The following GATA5 variants were observed in gnomAD, a reference collection of about 807,000 sequenced individuals.
GATA5 encodes GATA binding protein 5.
GATA5 carries 27 observed loss-of-function variants against 35.0 expected under a neutral mutation model. The observed-to-expected ratio is 0.77, with a 90% CI of 0.57 to 1.06. GATA5 has a LOEUF of 1.06. Among genes scored for constraint, GATA5 ranks in the 50% least tolerant of loss-of-function variants. The probability of loss-of-function intolerance (pLI) is 0.00; values close to 1 mark genes in which losing one functional copy is unlikely to be tolerated. For synonymous variants in GATA5, 306 were observed against 267.8 expected, an observed-to-expected ratio of 1.14 and a Z score of -1.39; for missense variants, 612 against 580.0, an observed-to-expected ratio of 1.06 and a Z score of -0.57.
At position 62,475,337 on chromosome 20, in the gene GATA5, G is replaced by C. The variant is rs1332879789; in HGVS notation, c.185C>G (p.Pro62Arg). 8.0e-7 allele frequency: 1 copy of C among 1,254,526 alleles called. No individual in the cohort carries two copies. Among genetic ancestry groups the C allele is most frequent in the Non-Finnish European group, 1.0e-6 (1 of 999,010 alleles). The allele number at this position is 1,254,526 out of a possible 1,614,324, so 77.7% of individuals were successfully genotyped here. A position where few individuals can be genotyped will look rare whatever the true frequency, so the allele number is the denominator to read the frequency against. ...CGCGGTGGCTGTCTGCGCCCAGCCGGGGCGCGCAGCGAGCTCGGGGGGCTG... is the reference window on the plus strand; with the variant it reads ...CGCGGTGGCTGTCTGCGCCCAGCCGCGGCGCGCAGCGAGCTCGGGGGGCTG... ...SPQPPELAAR[P>R]GWAQTATADS... Residue 62 changes from proline (P) to arginine (R), a missense_variant, in exon 2 of 7, where the codon CCC (proline) becomes CGC (arginine). By Grantham distance (103) the Pro-to-Arg change is moderately radical. Transcript: ENST00000252997.
rs782759156 is a variant in GATA5, at chr20:62,464,857, C to G, written c.1173G>C (p.Trp391Cys). The G allele has an allele frequency of 1.8e-5, 29 of 1,607,846 alleles. No individual in the cohort carries two copies. The highest frequency in any genetic ancestry group is 2.4e-5 in the Non-Finnish European group (28 of 1,177,216). The change falls in exon 7 of 7, where the codon TGG becomes TGC. Residue 391 changes from tryptophan to cysteine, a missense_variant. Transcript: ENST00000252997. ...GGACCTAGGCCAAGGCCAGCGCACA[C>G]CAGGCCTCTTGGCGCAGAGCCCCCC... ...GLRGALRQEA[W>C]CALALA
At chr20:62,465,991 C>G (rs1457156432) in intron 4 of GATA5, 70 bp from the exon 5 acceptor site, 71 of 1,082,170 alleles carry the variant, frequency 6.6e-5, no homozygotes, top group Non-Finnish European at 9.2e-5. Context: ...ACAGCACCCC[C>G]TCATTCCAGC....
intron 2 of GATA5, among the ~76,000 whole-genome samples, chr20:62,473,939 G>T (rs923349837): frequency 6.6e-6 from 1 of 152,104 alleles, no homozygotes; most frequent in Non-Finnish European, 1.5e-5. Context: ...CACTGGCGGG[G>T]GAGGTGGATG....
intron 1 of GATA5, 104 bp downstream of exon 1, chr20:62,475,826 T>G: frequency 4.5e-5 from 10 of 223,082 alleles, no homozygotes; most frequent in East Asian, 8.3e-5. Context: ...AGGACGGGCC[T>G]GGCGCGGCCG....
At chr20:62,472,084 G>A (rs1989736515) in intron 3 of GATA5, among the ~76,000 whole-genome samples, 1 of 152,010 alleles carries the variant, frequency 6.6e-6, no homozygotes. Context: ...ACCCCTCAGT[G>A]AGGGCCACGT....
At chr20:62,469,081 G>A (rs1312724206) in intron 3 of GATA5, among the ~76,000 whole-genome samples, 2 of 152,228 alleles carry the variant, frequency 1.3e-5, no homozygotes, top group African/African-American at 2.4e-5. Context: ...TCCAGCATGA[G>A]GCATGGTCTC....
intron 3 of GATA5, among the ~76,000 whole-genome samples, chr20:62,471,972 C>A (rs1333977476): frequency 1.3e-5 from 2 of 151,150 alleles, no homozygotes; most frequent in Admixed American, 6.6e-5. Flanking sequence ...TCTCGAACTC[C>A]TGAGCTTAAG....
chr20:62,466,486 C>T lies in GATA5; in HGVS notation c.765G>A (p.Arg255=), dbSNP rs1555896105. Reference sequence around the variant, plus strand: ...ACACGGGCTCCCCCTCCGAGTTCCGCCGCCACAGCGTGGTGTTGGTCGTGT... The same window carrying T: ...ACACGGGCTCCCCCTCCGAGTTCCGTCGCCACAGCGTGGTGTTGGTCGTGT... ...NCHTTNTTLW[R]RNSEGEPVCN... The change falls in exon 4 of 7, where the codon CGG becomes CGA. Residue 255 remains arginine, a synonymous_variant. Transcript: ENST00000252997. 6.3e-7 allele frequency: 1 copy of T among 1,575,622 alleles called. No individual in the cohort carries two copies. The highest frequency in any genetic ancestry group is 8.6e-7 in the Non-Finnish European group (1 of 1,160,926).
At chr20:62,465,628 C>T (rs1989565389) in intron 5 of GATA5, among the ~76,000 whole-genome samples, 164 bp from the exon 6 acceptor site, 1 of 152,026 alleles carries the variant, frequency 6.6e-6, no homozygotes, top group African/African-American at 2.4e-5. Context: ...TTCTTTGGCC[C>T]CACCTCTGCC....
chr20:62,469,112 C>T (rs912969858), intron 3 of GATA5, among the ~76,000 whole-genome samples: 4 of 152,242 alleles, frequency 2.6e-5, no homozygotes, highest in African/African-American at 7.2e-5. Context: ...CTCGGACACC[C>T]ACCCATCCGT....
In GATA5 at chr20:62,475,430, G is replaced by T; in HGVS notation, c.92C>A (p.Pro31Gln). 1 of 1,361,162 alleles carries T rather than the reference G, an allele frequency of 7.3e-7. No homozygotes were observed. 84.3% of individuals were successfully genotyped at this position (1,361,162 alleles called of 1,614,324 possible). ...GACGCGCGCCGGCGGCACAAACATC[G>T]GAGAGCCGGCGCCCGGAGCGTGCAG... is the stretch of plus-strand genomic sequence containing the variant. ...SFLHAPGAGS[P>Q]MFVPPARVPS... The change falls in exon 2 of 7, where the codon CCG (proline) becomes CAG (glutamine). Residue 31 changes from proline to glutamine, a missense_variant. Coordinates refer to ENST00000252997, the MANE Select transcript of GATA5 (RefSeq NM_080473.5).
intron 3 of GATA5, among the ~76,000 whole-genome samples, chr20:62,471,934 T>TG (rs1457752853): frequency 6.8e-6 from 1 of 147,934 alleles, no homozygotes; most frequent in East Asian, 2.0e-4. Context: ...TTAGTGGAGA[T>TG]GGGTTCTTGC....
rs1369131574 is a variant in GATA5, at chr20:62,474,989, C to T, written c.523+10G>A. ...CCTGGGCCCCGAGACTGTGGAGCCC[C>T]CGCACTCACCGAAGGTGGGCCTGCG... On this transcript the variant is annotated intron_variant, in intron 2 of 6. Transcript: ENST00000252997. The T allele has an allele frequency of 1.5e-6, 2 of 1,316,946 alleles. No homozygotes were observed. Among genetic ancestry groups the T allele is most frequent in the Non-Finnish European group, 1.9e-6 (2 of 1,030,010 alleles). The allele number at this position is 1,316,946 out of a possible 1,614,324, so 81.6% of individuals were successfully genotyped here. A position where few individuals can be genotyped will look rare whatever the true frequency, so the allele number is the denominator to read the frequency against.
At position 62,465,134 on chromosome 20, in the gene GATA5, G is replaced by T. The variant is rs6061551; in HGVS notation, c.1039-143C>A. The T allele has an allele frequency of 2.4e-3, 2,130 of 888,526 alleles. 41 individuals carry two copies. In the African/African-American group the frequency reaches 0.031, roughly 13 times the overall value. 55.0% of individuals were successfully genotyped at this position (888,526 alleles called of 1,614,324 possible). ...CCTGATGCCCTGGAATGGCATGGGG[G>T]ACCCCACGTGAGGCACTGGGGTTTC... On this transcript the variant is annotated intron_variant, in intron 6 of 6. Transcript: ENST00000252997.
rs757063452 is a variant in GATA5, at chr20:62,473,494, T to C, written c.608A>G (p.Asp203Gly). The C allele has an allele frequency of 4.3e-6, 7 of 1,610,252 alleles. No homozygotes were observed. The highest frequency in any genetic ancestry group is 5.9e-6 in the Non-Finnish European group (7 of 1,178,804). ...ATTGCACAGGTAGTGGCCGGTGCCG[T>C]CTCGGCGCCACAGCGGTGTGGACAG... Reference protein sequence around the residue: ...GALSTPLWRRDGTGHYLCNAC... With the variant: ...GALSTPLWRRGGTGHYLCNAC... The change falls in exon 3 of 7, where the codon GAC (aspartate) becomes GGC (glycine). Residue 203 changes from aspartate (D) to glycine (G), a missense_variant. Transcript: ENST00000252997.
Position 62,465,895 on chromosome 20 carries a change from C to A in GATA5, c.852G>T (p.Lys284Asn). Residue 284 changes from lysine (K) to asparagine (N), a missense_variant, in exon 5 of 7, where the codon AAG becomes AAT. Coordinates refer to ENST00000252997, the MANE Select transcript of GATA5 (RefSeq NM_080473.5). ...HGVPRPLAMK[K>N]ESIQTRKRKP... ...TCCGCTTCCGTGTCTGGATGCTTTCCTTCTTCATAGCCAGAGGCCGCGGCA... is the reference window on the plus strand; with the variant it reads ...TCCGCTTCCGTGTCTGGATGCTTTCATTCTTCATAGCCAGAGGCCGCGGCA... 6.3e-7 allele frequency: 1 copy of A among 1,595,698 alleles called. No homozygotes were observed. Among genetic ancestry groups the A allele is most frequent in the South Asian group, 1.1e-5 (1 of 88,062 alleles).
intron 3 of GATA5, among the ~76,000 whole-genome samples, chr20:62,469,974 C>T (rs1165749510): frequency 2.0e-5 from 3 of 152,248 alleles, no homozygotes; most frequent in Middle Eastern, 3.2e-3. Flanking sequence ...CATTTGTCCC[C>T]TCCTCACTGC....
chr20:62,466,934 C>G (rs989647819), intron 3 of GATA5, among the ~76,000 whole-genome samples: 1 of 152,232 alleles, frequency 6.6e-6, no homozygotes, highest in African/African-American at 2.4e-5. Context: ...GCCACAGGGT[C>G]CCCCGGAGGC....
intron 3 of GATA5, among the ~76,000 whole-genome samples, chr20:62,469,861 G>A (rs1989680604): frequency 1.3e-5 from 2 of 152,204 alleles, no homozygotes; most frequent in Admixed American, 6.5e-5. Flanking sequence ...GGGAGGCCCG[G>A]GGTGGACAGA....
Sources: allele counts gnomAD v4.1 joint callset (sites outside exome capture counted in the v4.1 genomes callset), GRCh38; gene constraint gnomAD v4.1.1; transcripts MANE v1.5; gene names NCBI Gene and HGNC (gene_info 2026-07-23, HGNC 2026-07-21).